Variants in NAA15 observed in about 807,000 individuals in gnomAD.
NAA15 encodes the protein N-terminal acetyltransferase.
NAA15 carries 34 observed loss-of-function variants against 114.0 expected under a neutral mutation model. The ratio of observed to expected loss-of-function variants is 0.30; its 90% CI spans 0.23 to 0.40. NAA15 has a LOEUF of 0.40. Ranked by LOEUF, NAA15 falls within the 10% of genes least tolerant of loss-of-function variation. The pLI is 1.00. For synonymous variants in NAA15, 340 were observed against 338.0 expected (o/e 1.01, Z -0.06); for missense variants, 658 against 1,004.5 (o/e 0.66, Z 4.66).
intron 1 of NAA15, among the ~76,000 whole-genome samples, chr4:139,308,658 G>T (rs1746108191): frequency 6.6e-6 from 1 of 152,144 alleles, no homozygotes; most frequent in South Asian, 2.1e-4. Context: ...GAGTACAGTG[G>T]CGTGATCTCA....
intron 10 of NAA15, among the ~76,000 whole-genome samples, chr4:139,354,911 C>T (rs974339311): frequency 6.6e-6 from 1 of 152,194 alleles, no homozygotes. Flanking sequence ...GAGTCTTGCT[C>T]TGTCATCCAG....
At chr4:139,309,447 G>A (rs937736186) in intron 1 of NAA15, among the ~76,000 whole-genome samples, 2 of 151,168 alleles carry the variant, frequency 1.3e-5, no homozygotes, top group Non-Finnish European at 3.0e-5. Flanking sequence ...GTGTGTGTGT[G>A]TGTGTGTGTG....
chr4:139,323,601 G>A (rs988732207), intron 1 of NAA15, among the ~76,000 whole-genome samples: 1 of 152,098 alleles, frequency 6.6e-6, no homozygotes, highest in African/African-American at 2.4e-5. Flanking sequence ...CAGTGAGACT[G>A]CTAAGCTCTG....
chr4:139,369,695 G>A (rs1272019214), intron 14 of NAA15, among the ~76,000 whole-genome samples: 2 of 130,364 alleles, frequency 1.5e-5, no homozygotes, highest in African/African-American at 3.0e-5. Flanking sequence ...CTGAGATCTC[G>A]CCACTGCACT....
chr4:139,342,778 C>G lies in NAA15; in HGVS notation c.403-48C>G, dbSNP rs758740561. 1.9e-6 allele frequency: 3 copies of G among 1,572,348 alleles called. No homozygotes were observed. In the East Asian group the frequency reaches 6.8e-5, roughly 35 times the overall value. On this transcript the variant is annotated intron_variant, in intron 4 of 19. Coordinates refer to ENST00000296543, the MANE Select transcript of NAA15 (RefSeq NM_057175.5). ...TGGAGATCTTTTAAAGGAGCACTTGCTGTTACTAAAAGCCTAAGAAAAAGT... is the reference window on the plus strand; with the variant it reads ...TGGAGATCTTTTAAAGGAGCACTTGGTGTTACTAAAAGCCTAAGAAAAAGT...
At position 139,346,087 on chromosome 4, in the gene NAA15, C is replaced by CAGT. The variant is rs1475274933; in HGVS notation, c.691+1748_691+1749insAGT. 3.9e-5 allele frequency among the ~76,000 whole-genome samples: 6 copies of CAGT among 152,166 alleles called. No individual in the cohort carries two copies. In the South Asian group the frequency reaches 6.2e-4, roughly 16 times the overall value. On this transcript the variant is annotated intron_variant, in intron 6 of 19. Coordinates refer to ENST00000296543, the MANE Select transcript of NAA15 (RefSeq NM_057175.5). The stretch of plus-strand genomic sequence containing the variant: ...TTGTTTTTCATAGCGTGTATTTGTG[C>CAGT]TGACTGGGGAGTGATCCAATAGAGA...
At chr4:139,386,017 T>G in intron 18 of NAA15, 116 bp from the exon 19 acceptor site, 1 of 535,996 alleles carries the variant, frequency 1.9e-6, no homozygotes, top group South Asian at 2.9e-5. Context: ...CCCATTCTTC[T>G]AATAAAGTGC....
At chr4:139,382,254 T>C (rs943631974) in intron 17 of NAA15, among the ~76,000 whole-genome samples, 4 of 152,294 alleles carry the variant, frequency 2.6e-5, no homozygotes, top group Admixed American at 1.3e-4. Flanking sequence ...ATTCTAGTTT[T>C]CTGGAACTGT....
At chr4:139,369,737 CAAAAAAAAAAAA>C (rs1247894181) in intron 14 of NAA15, among the ~76,000 whole-genome samples, 1 of 79,246 alleles carries the variant, frequency 1.3e-5, no homozygotes, top group Non-Finnish European at 2.5e-5. Context: ...GACTCCGTCT[CAAAAAAAAAAAA>C]AAAAAAAAAG....
intron 1 of NAA15, among the ~76,000 whole-genome samples, chr4:139,306,602 T>TG (rs1199460039): frequency 1.9e-3 from 289 of 150,842 alleles, no homozygotes; most frequent in East Asian, 0.012. Flanking sequence ...GTCTGGTTTT[T>TG]TTTTTGTTTT....
chr4:139,379,030 C>T, intron 17 of NAA15, 176 bp downstream of exon 17: 1 of 433,170 alleles, frequency 2.3e-6, no homozygotes, highest in South Asian at 5.9e-5. Flanking sequence ...TTTAAGGATA[C>T]AAGTATTACC....
In NAA15 at chr4:139,331,850, A is replaced by G. The variant is rs186557558; in HGVS notation, c.55-2324A>G. 2.6e-5 allele frequency among the ~76,000 whole-genome samples: 4 copies of G among 152,218 alleles called. No individual in the cohort carries two copies. In the East Asian group the frequency reaches 7.7e-4, roughly 29 times the overall value. On this transcript the variant is annotated intron_variant, in intron 1 of 19. Transcript: ENST00000296543. ...TTGTTCAGTATTGAGCCAAATTTGT[A>G]CTAAATCCAAGTCTTATACAAGCTT...
At chr4:139,330,957 G>A (rs148869552) in intron 1 of NAA15, among the ~76,000 whole-genome samples, 405 of 152,232 alleles carry the variant, frequency 2.7e-3, no homozygotes, top group African/African-American at 8.9e-3. Context: ...TTTCTACCAT[G>A]ATTTTTGTCA....
chr4:139,373,994 C>T (rs1034076006), intron 15 of NAA15, among the ~76,000 whole-genome samples: 5 of 152,048 alleles, frequency 3.3e-5, no homozygotes, highest in Non-Finnish European at 2.9e-5. Context: ...TGTGAGCCAC[C>T]GCGCCCAGCC....
At chr4:139,384,715 A>G in intron 17 of NAA15, 117 bp from the exon 18 acceptor site, 1 of 581,470 alleles carries the variant, frequency 1.7e-6, no homozygotes, top group Middle Eastern at 5.4e-4. Context: ...TGGTTGTGCC[A>G]CTGTACTCCA....
intron 9 of NAA15, among the ~76,000 whole-genome samples, chr4:139,353,258 T>G (rs1182039475): frequency 1.3e-5 from 2 of 152,198 alleles, no homozygotes; most frequent in African/African-American, 4.8e-5. Flanking sequence ...ACAGTCTTAG[T>G]AGGCTTGTAG....
intron 6 of NAA15, among the ~76,000 whole-genome samples, chr4:139,346,811 G>A (rs911790897): frequency 4.6e-5 from 7 of 152,246 alleles, no homozygotes; most frequent in East Asian, 3.9e-4. Context: ...GTGAGCCACC[G>A]CACCCAGCCT....
chr4:139,333,479 C>T (rs536535681), intron 1 of NAA15, among the ~76,000 whole-genome samples: 14 of 151,496 alleles, frequency 9.2e-5, no homozygotes, highest in Middle Eastern at 3.4e-3. Flanking sequence ...TGATATGTTA[C>T]AGTCTGGGTA....
rs1745768170 is a variant in NAA15, at chr4:139,301,850, G to A, written c.54+19G>A. 9.5e-6 allele frequency: 15 copies of A among 1,581,152 alleles called. No individual in the cohort carries two copies. Among genetic ancestry groups the A allele is most frequent in the Non-Finnish European group, 1.3e-5 (15 of 1,162,368 alleles). ...GATCTTGGTAAGTGTGAGGCTCCGG[G>A]CAAGCGGTGGGGAGGATTTAGCCGG... On this transcript the variant is annotated intron_variant, in intron 1 of 19. Transcript: ENST00000296543.
Sources: gnomAD v4.1 joint callset for allele counts (sites outside exome capture counted in the v4.1 genomes callset) on GRCh38, gnomAD v4.1.1 for gene constraint, MANE v1.5 for transcripts, NCBI Gene and HGNC (gene_info 2026-07-23, HGNC 2026-07-21) for gene names.